The following THEM4 variants were observed in gnomAD, a reference collection of about 807,000 sequenced individuals.
The protein encoded by THEM4 is thioesterase superfamily member 4.
THEM4 carries 22 observed loss-of-function variants against 25.0 expected under a neutral mutation model. The ratio of observed to expected loss-of-function variants is 0.88; its 90% CI spans 0.63 to 1.26. The LOEUF is 1.26. Among genes scored for constraint, THEM4 ranks in the 50% most tolerant of loss-of-function variants. THEM4 has a pLI of 0.00. For synonymous variants in THEM4, 113 were observed against 105.6 expected, an observed-to-expected ratio of 1.07 and a Z score of -0.43; for missense variants, 286 against 300.3, an observed-to-expected ratio of 0.95 and a Z score of 0.35.
At position 151,871,034 on chromosome 1, in the gene THEM4, A is replaced by G. The variant is rs909377021; in HGVS notation, c.*3854T>C. On this transcript the variant is annotated 3_prime_UTR_variant, in exon 6 of 6. Coordinates refer to ENST00000368814, the MANE Select transcript of THEM4 (RefSeq NM_053055.5). ...CAAAATGTTAGCACTTGGTATAAAG[A>G]AGGAAACAGGTTGAGCAAGGTGGCT... 1.3e-5 allele frequency among the ~76,000 whole-genome samples: 2 copies of G among 152,188 alleles called. No individual in the cohort carries two copies. The highest frequency in any genetic ancestry group is 2.9e-5 in the Non-Finnish European group (2 of 68,038).
intron 2 of THEM4, 123 bp from the exon 3 acceptor site, chr1:151,889,496 G>C (rs969905977): frequency 7.7e-5 from 79 of 1,022,524 alleles, no homozygotes; most frequent in Admixed American, 3.2e-4. Flanking sequence ...ATGTCCACAG[G>C]GTGCAAAATT....
intron 4 of THEM4, 109 bp downstream of exon 4, chr1:151,888,164 G>A: frequency 1.3e-6 from 1 of 781,490 alleles, no homozygotes; most frequent in South Asian, 1.8e-5. Context: ...TCTCCTCTGG[G>A]AGCACTTCCT....
chr1:151,880,711 T>C (rs1472249978), intron 4 of THEM4, among the ~76,000 whole-genome samples: 1 of 152,334 alleles, frequency 6.6e-6, no homozygotes, highest in East Asian at 1.9e-4. Flanking sequence ...AGTTTTCTTC[T>C]GGTTAACTTT....
chr1:151,909,366 G>A lies in THEM4; in HGVS notation c.93C>T (p.Pro31=), dbSNP rs371067285. ...CGAGGGTGCCCAGACTCACCAGCTC[G>A]GGTCGCGGCTCGCTTCCCGGCAGGC... ...GRRLPGSEPR[P]ELRSFSSEEV... is the part of the protein sequence containing the mutation. Residue 31 remains proline (P), a synonymous_variant, in exon 1 of 6, where the codon CCC becomes CCT. Coordinates refer to ENST00000368814, the MANE Select transcript of THEM4 (RefSeq NM_053055.5). 1.3e-6 allele frequency: 2 copies of A among 1,510,466 alleles called. No individual in the cohort carries two copies. The highest frequency in any genetic ancestry group is 2.7e-5 in the East Asian group (1 of 36,906). 93.6% of individuals were successfully genotyped at this position (1,510,466 alleles called of 1,614,324 possible).
At chr1:151,877,983 T>G (rs933079071) in intron 4 of THEM4, among the ~76,000 whole-genome samples, 2 of 152,164 alleles carry the variant, frequency 1.3e-5, no homozygotes, top group African/African-American at 4.8e-5. Flanking sequence ...ATCACTGTGA[T>G]GATCTCTCTG....
Position 151,874,802 on chromosome 1 carries a change from G to A in THEM4, c.*86C>T. On this transcript the variant is annotated 3_prime_UTR_variant, in exon 6 of 6. Transcript: ENST00000368814. ...CTGTTGGCAGGCTTCTCCCTACAGG[G>A]ATTCAGCAGTGAGGGAGCAGAGTAT... is the stretch of plus-strand genomic sequence containing the variant. The A allele has an allele frequency of 8.1e-7, 1 of 1,238,982 alleles. No homozygotes were observed. The highest frequency in any genetic ancestry group is 1.2e-6 in the Non-Finnish European group (1 of 839,834). 76.7% of individuals were successfully genotyped at this position (1,238,982 alleles called of 1,614,324 possible). A position where few individuals can be genotyped will look rare whatever the true frequency, so the allele number is the denominator to read the frequency against.
At chr1:151,900,227 C>T (rs1654321969) in intron 1 of THEM4, among the ~76,000 whole-genome samples, 1 of 151,986 alleles carries the variant, frequency 6.6e-6, no homozygotes, top group African/African-American at 2.4e-5. Flanking sequence ...TCACACAGGA[C>T]CTATAAAACA....
At chr1:151,898,978 C>T (rs1416784358) in intron 1 of THEM4, among the ~76,000 whole-genome samples, 1 of 152,192 alleles carries the variant, frequency 6.6e-6, no homozygotes, top group Admixed American at 6.5e-5. Context: ...GTCTACCTAC[C>T]CAAATGAGAA....
At chr1:151,907,360 C>A (rs1197612242) in intron 1 of THEM4, among the ~76,000 whole-genome samples, 1 of 152,150 alleles carries the variant, frequency 6.6e-6, no homozygotes, top group Non-Finnish European at 1.5e-5. Flanking sequence ...TCAGTGAGAC[C>A]AAGAACCCAT....
At position 151,874,824 on chromosome 1, in the gene THEM4, G is replaced by T; in HGVS notation, c.*64C>A. 1 of 1,477,998 alleles carries T rather than the reference G, an allele frequency of 6.8e-7. No homozygotes were observed. Among genetic ancestry groups the T allele is most frequent in the Non-Finnish European group, 9.5e-7 (1 of 1,057,574 alleles). The allele number at this position is 1,477,998 out of a possible 1,614,324, so 91.6% of individuals were successfully genotyped here. ...AGGGATTCAGCAGTGAGGGAGCAGA[G>T]TATTTGGGGGACAACTGCTTCTTCT... On this transcript the variant is annotated 3_prime_UTR_variant, in exon 6 of 6. Coordinates refer to ENST00000368814, the MANE Select transcript of THEM4 (RefSeq NM_053055.5).
rs1268518337 is a variant in THEM4 at position 151,877,085 on chromosome 1, G to T, written c.598C>A (p.Leu200Ile). Residue 200 changes from leucine (L) to isoleucine (I), a missense_variant, in exon 5 of 6, where the codon CTT (leucine) becomes ATT (isoleucine). Leu to Ile is a conservative substitution (Grantham distance 5). Coordinates refer to ENST00000368814, the MANE Select transcript of THEM4 (RefSeq NM_053055.5). ...LCSVVMINSQLDKVEGRKFFV... is the reference protein window; with the variant it reads ...LCSVVMINSQIDKVEGRKFFV... Reference sequence around the variant, plus strand: ...AATTTCCTTCCTTCAACTTTATCAAGTTGGCTATTTATCATAACAACAGAA... The same window carrying T: ...AATTTCCTTCCTTCAACTTTATCAATTTGGCTATTTATCATAACAACAGAA... 1.2e-6 allele frequency: 2 copies of T among 1,613,588 alleles called. No individual in the cohort carries two copies. The highest frequency in any genetic ancestry group is 1.7e-6 in the Non-Finnish European group (2 of 1,179,806).
At chr1:151,890,937 T>C (rs1443042613) in intron 2 of THEM4, 5 of 152,204 alleles carry the variant, frequency 3.3e-5, no homozygotes, top group Admixed American at 1.3e-4. Flanking sequence ...GTGCTTATAA[T>C]TGTTTTACTT....
intron 1 of THEM4, among the ~76,000 whole-genome samples, chr1:151,903,435 A>G (rs997677274): frequency 4.6e-5 from 7 of 152,266 alleles, no homozygotes; most frequent in Admixed American, 4.6e-4. Flanking sequence ...CAATAGCAGA[A>G]AAATAGTCCA....
intron 4 of THEM4, among the ~76,000 whole-genome samples, chr1:151,879,556 C>A (rs1440561949): frequency 1.3e-5 from 2 of 151,532 alleles, no homozygotes; most frequent in Admixed American, 6.6e-5. Flanking sequence ...AGAAAGTGTG[C>A]TGTTTTCTAA....
At chr1:151,884,744 A>C (rs758506198) in intron 4 of THEM4, among the ~76,000 whole-genome samples, 4 of 150,296 alleles carry the variant, frequency 2.7e-5, no homozygotes, top group African/African-American at 4.9e-5. Flanking sequence ...GCTGGGGTAC[A>C]ATGGTGCAAT....
At chr1:151,900,286 T>A (rs922074420) in intron 1 of THEM4, among the ~76,000 whole-genome samples, 1 of 151,952 alleles carries the variant, frequency 6.6e-6, no homozygotes. Flanking sequence ...AACCCCACAG[T>A]ACACAGGCAA....
At chr1:151,888,789 C>T (rs543062416) in intron 3 of THEM4, among the ~76,000 whole-genome samples, 1 of 152,198 alleles carries the variant, frequency 6.6e-6, no homozygotes, top group East Asian at 1.9e-4. Flanking sequence ...GATTATGCCA[C>T]TGCACTTCAG....
At chr1:151,893,400 CA>C (rs925454385) in intron 2 of THEM4, among the ~76,000 whole-genome samples, 1 of 122,370 alleles carries the variant, frequency 8.2e-6, no homozygotes, top group African/African-American at 3.2e-5. Flanking sequence ...AACAAAAAAA[CA>C]ACAAAACAAA....
chr1:151,875,354 C>A lies in THEM4; in HGVS notation c.683-426G>T, dbSNP rs1653649027. On this transcript the variant is annotated intron_variant, in intron 5 of 5. Transcript: ENST00000368814. ...CCATCATTCCTGCAAATGCTTCATA[C>A]TTAAGAGGAAAAATAAATTTCTTAA... is the stretch of plus-strand genomic sequence containing the variant. Among the ~76,000 whole-genome samples the A allele has an allele frequency of 2.0e-5, 3 of 149,428 alleles. No individual in the cohort carries two copies. In the South Asian group the frequency reaches 6.5e-4, roughly 32 times the overall value.
Sources: gnomAD v4.1 joint callset for allele counts (sites outside exome capture counted in the v4.1 genomes callset) on GRCh38, gnomAD v4.1.1 for gene constraint, MANE v1.5 for transcripts, NCBI Gene and HGNC (gene_info 2026-07-23, HGNC 2026-07-21) for gene names.